NIPSNAP2: variants seen among roughly 807,000 people sequenced by gnomAD.
NIPSNAP2 encodes the protein nipsnap homolog 2.
Under a neutral mutation model 48.4 loss-of-function variants are expected in NIPSNAP2, and 42 were observed. The ratio of observed to expected loss-of-function variants is 0.87; its 90% CI spans 0.68 to 1.12. The LOEUF is 1.12. Among genes scored for constraint, NIPSNAP2 ranks in the 50% most tolerant of loss-of-function variants. NIPSNAP2 has a pLI of 0.00. For missense variants in NIPSNAP2, 314 were observed against 347.3 expected (o/e 0.90, Z 0.76); for synonymous variants, 158 against 126.6 (o/e 1.25, Z -1.67).
rs1222414245 is a variant in NIPSNAP2 at position 55,986,985 on chromosome 7, A to T, written c.617+2107A>T. ...AACATGGTGAAACCCTGTCTCTATA[A>T]AAAAAAAAAAAAAAAAAAAAAAAAA... On this transcript the variant is annotated intron_variant, in intron 7 of 9. Transcript: ENST00000322090. Among the ~76,000 whole-genome samples, 119 of 129,274 alleles carry T rather than the reference A, an allele frequency of 9.2e-4. 1 individual carries two copies. Among genetic ancestry groups the T allele is most frequent in the African/African-American group, 3.0e-3 (113 of 37,422 alleles). 84.8% of individuals were successfully genotyped at this position (129,274 alleles called of 152,430 possible).
At chr7:55,993,525 G>A (rs938501962) in intron 7 of NIPSNAP2, among the ~76,000 whole-genome samples, 2 of 149,516 alleles carry the variant, frequency 1.3e-5, no homozygotes, top group Non-Finnish European at 2.9e-5. Flanking sequence ...GTTGCAGTGA[G>A]CCAAGATCGT....
intron 1 of NIPSNAP2, among the ~76,000 whole-genome samples, chr7:55,972,308 CA>C (rs139960312): frequency 5.5e-4 from 78 of 141,230 alleles, no homozygotes; most frequent in Admixed American, 6.4e-4. Flanking sequence ...GACTCTGTCT[CA>C]AAAAAAAAAA....
chr7:55,986,007 C>T (rs1787324525), intron 7 of NIPSNAP2, among the ~76,000 whole-genome samples: 1 of 151,624 alleles, frequency 6.6e-6, no homozygotes, highest in Non-Finnish European at 1.5e-5. Context: ...GAGATCACAC[C>T]ACTGTGCTCT....
At chr7:55,982,434 A>G (rs1009183238) in intron 5 of NIPSNAP2, among the ~76,000 whole-genome samples, 154 bp downstream of exon 5, 1 of 152,208 alleles carries the variant, frequency 6.6e-6, no homozygotes, top group African/African-American at 2.4e-5. Flanking sequence ...ATTTAAACAT[A>G]AACAGTTGTA....
At chr7:55,983,275 C>T (rs576153446) in intron 5 of NIPSNAP2, among the ~76,000 whole-genome samples, 1 of 152,294 alleles carries the variant, frequency 6.6e-6, no homozygotes, top group African/African-American at 2.4e-5. Context: ...CTTTGCTTTC[C>T]ACCCTCCCTT....
At chr7:55,993,582 A>T (rs1787493980) in intron 7 of NIPSNAP2, among the ~76,000 whole-genome samples, 1 of 151,650 alleles carries the variant, frequency 6.6e-6, no homozygotes, top group Non-Finnish European at 1.5e-5. Flanking sequence ...ATCTAAAAAA[A>T]AAAAAAAAAA....
chr7:55,977,579 A>T (rs1787129011), intron 1 of NIPSNAP2, among the ~76,000 whole-genome samples: 1 of 152,230 alleles, frequency 6.6e-6, no homozygotes, highest in African/African-American at 2.4e-5. Flanking sequence ...ATTGTTGTAC[A>T]ATCATCACCA....
Position 55,978,298 on chromosome 7 carries a change from C to T in NIPSNAP2, c.232+33C>T, listed in dbSNP as rs553250783. The T allele has an allele frequency of 5.6e-6, 9 of 1,612,922 alleles. No homozygotes were observed. In the East Asian group the frequency reaches 1.1e-4, roughly 20 times the overall value. On this transcript the variant is annotated intron_variant, in intron 2 of 9. Coordinates refer to ENST00000322090, the MANE Select transcript of NIPSNAP2 (RefSeq NM_001483.3). ...ACAGGTTTGCTATCTTCATAGTTGA[C>T]TTTTTTTCCCCTTTGTTCCTAAGTT...
chr7:55,974,238 C>T (rs1209999519), intron 1 of NIPSNAP2, among the ~76,000 whole-genome samples: 1 of 139,948 alleles, frequency 7.1e-6, no homozygotes, highest in Non-Finnish European at 1.5e-5. Context: ...ATAAATAAAG[C>T]AGCAAACTGA....
Position 55,981,532 on chromosome 7 carries a change from C to T in NIPSNAP2, c.338C>T (p.Thr113Ile). ...CACTACCCTTGTACTTTGGTGGGGA[C>T]TTGGAACACGTGGTATGGCGAGCAG... is the stretch of plus-strand genomic sequence containing the variant. Reference protein sequence around the residue: ...DKHYPCTLVGTWNTWYGEQDQ... With the variant: ...DKHYPCTLVGIWNTWYGEQDQ... The change falls in exon 4 of 10, where the codon ACT (threonine) becomes ATT (isoleucine). Residue 113 changes from threonine to isoleucine, a missense_variant. Transcript: ENST00000322090. 6.2e-7 allele frequency: 1 copy of T among 1,613,928 alleles called. No homozygotes were observed. The highest frequency in any genetic ancestry group is 8.5e-7 in the Non-Finnish European group (1 of 1,179,908).
chr7:55,988,929 A>G (rs1787388474), intron 7 of NIPSNAP2, among the ~76,000 whole-genome samples: 1 of 152,146 alleles, frequency 6.6e-6, no homozygotes, highest in South Asian at 2.1e-4. Context: ...TACCCAAAAG[A>G]TACCATCCAT....
chr7:55,974,510 G>A (rs1395532271), intron 1 of NIPSNAP2, among the ~76,000 whole-genome samples: 4 of 151,600 alleles, frequency 2.6e-5, no homozygotes, highest in Non-Finnish European at 5.9e-5. Context: ...TGTTTACCTG[G>A]TGGTATCTGG....
chr7:55,989,987 G>A (rs892989514), intron 7 of NIPSNAP2, among the ~76,000 whole-genome samples: 106 of 150,222 alleles, frequency 7.1e-4, no homozygotes, highest in Non-Finnish European at 2.1e-4. Context: ...GTGTGGTGGC[G>A]AGCACCTGTA....
intron 1 of NIPSNAP2, among the ~76,000 whole-genome samples, chr7:55,974,264 A>AAG (rs1554341863): frequency 1.5e-4 from 15 of 102,544 alleles, no homozygotes; most frequent in African/African-American, 4.8e-4. Flanking sequence ...TAAGCAAAAA[A>AAG]AAAGAAAGAA....
chr7:55,997,610 T>TA (rs1468218897), intron 9 of NIPSNAP2, among the ~76,000 whole-genome samples, 161 bp downstream of exon 9: 1 of 152,230 alleles, frequency 6.6e-6, no homozygotes, highest in African/African-American at 2.4e-5. Context: ...CTCTAATACT[T>TA]ACATGACTTT....
chr7:55,980,028 T>C, intron 3 of NIPSNAP2: 1 of 341,734 alleles, frequency 2.9e-6, no homozygotes. Context: ...TCATGTGTAC[T>C]GGGCTTCCTC....
intron 1 of NIPSNAP2, among the ~76,000 whole-genome samples, chr7:55,968,085 C>T (rs1786936025): frequency 6.6e-6 from 1 of 152,156 alleles, no homozygotes; most frequent in East Asian, 1.9e-4. Context: ...CCATTGTGCC[C>T]AGCCACACGT....
chr7:55,967,141 A>G (rs1214254310), intron 1 of NIPSNAP2, among the ~76,000 whole-genome samples: 1 of 152,248 alleles, frequency 6.6e-6, no homozygotes, highest in Admixed American at 6.5e-5. Flanking sequence ...TGGACATTGC[A>G]TAAGTGTCTC....
chr7:55,969,849 G>C (rs558461709), intron 1 of NIPSNAP2, among the ~76,000 whole-genome samples: 1 of 151,998 alleles, frequency 6.6e-6, no homozygotes, highest in African/African-American at 2.4e-5. Flanking sequence ...CGGGCGTGGT[G>C]GTGGGCGCCT....
Sources: gnomAD v4.1 joint callset for allele counts (sites outside exome capture counted in the v4.1 genomes callset) on GRCh38, gnomAD v4.1.1 for gene constraint, MANE v1.5 for transcripts, NCBI Gene and HGNC (gene_info 2026-07-23, HGNC 2026-07-21) for gene names.